The following DDAH1 variants were observed in gnomAD, a reference collection of about 807,000 sequenced individuals.
DDAH1 encodes N(G),N(G)-dimethylarginine dimethylaminohydrolase 1.
A neutral mutation model predicts 28.8 loss-of-function variants in DDAH1; 19 were observed. The observed-to-expected ratio is 0.66, with a 90% CI of 0.46 to 0.97. DDAH1 has a LOEUF of 0.97. DDAH1 is among the 50% of genes least tolerant of loss of function. The probability of loss-of-function intolerance (pLI) is 0.00; values close to 1 mark genes in which losing one functional copy is unlikely to be tolerated. For synonymous variants in DDAH1, 153 were observed against 154.4 expected, an observed-to-expected ratio of 0.99 and a Z score of 0.07; for missense variants, 326 against 375.9, an observed-to-expected ratio of 0.87 and a Z score of 1.10.
At chr1:85,369,471 A>C (rs768817467) in intron 1 of DDAH1, among the ~76,000 whole-genome samples, 9 of 152,178 alleles carry the variant, frequency 5.9e-5, no homozygotes, top group Admixed American at 2.6e-4. Flanking sequence ...TCTTTTAAAC[A>C]ACTCTTACGA....
chr1:85,473,681 C>G (rs762155531), intron 2 of DDAH1, among the ~76,000 whole-genome samples: 14 of 152,144 alleles, frequency 9.2e-5, no homozygotes, highest in Non-Finnish European at 1.9e-4. Flanking sequence ...CCAAAGAATC[C>G]TTTGCTTCAG....
intron 1 of DDAH1, among the ~76,000 whole-genome samples, chr1:85,523,488 T>C (rs1255918208): frequency 5.9e-5 from 9 of 152,172 alleles, no homozygotes; most frequent in African/African-American, 1.9e-4. Flanking sequence ...TATTTTAGCA[T>C]TTTGTATGAA....
chr1:85,333,350 C>T (rs948675239), intron 4 of DDAH1, among the ~76,000 whole-genome samples: 4 of 152,082 alleles, frequency 2.6e-5, no homozygotes, highest in Admixed American at 6.5e-5. Flanking sequence ...GAAAACCAAT[C>T]TAAAAAATTG....
chr1:85,475,646 C>G (rs1427527494), intron 2 of DDAH1, among the ~76,000 whole-genome samples: 1 of 152,048 alleles, frequency 6.6e-6, no homozygotes, highest in Admixed American at 6.6e-5. Context: ...AGATTATTTC[C>G]CCACACTTTC....
intron 1 of DDAH1, among the ~76,000 whole-genome samples, chr1:85,460,014 C>G (rs1024354926): frequency 2.0e-5 from 3 of 152,128 alleles, no homozygotes; most frequent in African/African-American, 7.2e-5. Context: ...TTCATAAAAA[C>G]CTCATTTCTG....
At chr1:85,333,910 A>C (rs1190498350) in intron 4 of DDAH1, among the ~76,000 whole-genome samples, 1 of 152,236 alleles carries the variant, frequency 6.6e-6, no homozygotes, top group Non-Finnish European at 1.5e-5. Flanking sequence ...GTCTAGCAAG[A>C]GATTTAGAAA....
At chr1:85,526,403 C>T (rs575620487) in intron 1 of DDAH1, among the ~76,000 whole-genome samples, 1 of 152,296 alleles carries the variant, frequency 6.6e-6, no homozygotes, top group African/African-American at 2.4e-5. Flanking sequence ...GAATATAGAG[C>T]ACCTCTAATT....
chr1:85,476,015 G>A (rs1655790859), intron 2 of DDAH1, among the ~76,000 whole-genome samples: 1 of 151,960 alleles, frequency 6.6e-6, no homozygotes, highest in African/African-American at 2.4e-5. Context: ...CCACACCCGG[G>A]TAATTTTTGG....
chr1:85,561,472 T>C (rs538671827), intron 1 of DDAH1, among the ~76,000 whole-genome samples: 1 of 152,154 alleles, frequency 6.6e-6, no homozygotes, highest in African/African-American at 2.4e-5. Context: ...TTCTACCCTA[T>C]CACTAACTAG....
Position 85,465,041 on chromosome 1 carries a change from G to T in DDAH1, c.5C>A (p.Ala2Asp). The T allele has an allele frequency of 7.6e-7, 1 of 1,310,574 alleles. No individual in the cohort carries two copies. Among genetic ancestry groups the T allele is most frequent in the Non-Finnish European group, 9.7e-7 (1 of 1,032,908 alleles). The allele number at this position is 1,310,574 out of a possible 1,614,324, so 81.2% of individuals were successfully genotyped here. M[A>D]GLGHPAAFGR... is the part of the protein sequence containing the mutation. The stretch of plus-strand genomic sequence containing the variant: ...GAAGGCGGCGGGGTGGCCGAGCCCG[G>T]CCATGGCTTCGGGAGGCTTAGGGGC... Residue 2 changes from alanine (A) to aspartate (D), a missense_variant, in exon 1 of 6, where the codon GCC becomes GAC. Physicochemically the swap from Ala to Asp is moderately radical, Grantham distance 126. Transcript: ENST00000284031.
intron 1 of DDAH1, among the ~76,000 whole-genome samples, chr1:85,546,225 GC>G (rs1658622134): frequency 6.6e-6 from 1 of 151,960 alleles, no homozygotes; most frequent in African/African-American, 2.4e-5. Context: ...TGGCAACTCT[GC>G]CCTCATGAAT....
rs1333733121 is a variant in DDAH1 at position 85,319,210 on chromosome 1, G to A, written c.*2242C>T. 1 of 152,142 alleles carries A rather than the reference G, an allele frequency of 6.6e-6. No homozygotes were observed. Among genetic ancestry groups the A allele is most frequent in the Admixed American group, 6.5e-5 (1 of 15,276 alleles). 9.4% of individuals were successfully genotyped at this position (152,142 alleles called of 1,614,324 possible). A position where few individuals can be genotyped will look rare whatever the true frequency, so the allele number is the denominator to read the frequency against. On this transcript the variant is annotated 3_prime_UTR_variant, in exon 6 of 6. Coordinates refer to ENST00000284031, the MANE Select transcript of DDAH1 (RefSeq NM_012137.4). ...TCATATAGGGAGTCCAAAGAAGCCA[G>A]CCTAGCAGGTAACATAGCAGAGCAG...
rs1247883635 is a variant in DDAH1, at chr1:85,465,060, T to C, written c.-15A>G. ...AGCCCGGCCATGGCTTCGGGAGGCT[T>C]AGGGGCGGCGGCGGCGGCGGAGGCG... On this transcript the variant is annotated 5_prime_UTR_variant, in exon 1 of 6. Transcript: ENST00000284031. 5.7e-6 allele frequency: 7 copies of C among 1,235,712 alleles called. No homozygotes were observed. The highest frequency in any genetic ancestry group is 7.1e-6 in the Non-Finnish European group (7 of 991,804). 76.5% of individuals were successfully genotyped at this position (1,235,712 alleles called of 1,614,324 possible). A position where few individuals can be genotyped will look rare whatever the true frequency, so the allele number is the denominator to read the frequency against.
chr1:85,442,254 C>A (rs1654232111), intron 1 of DDAH1, among the ~76,000 whole-genome samples: 1 of 152,172 alleles, frequency 6.6e-6, no homozygotes, highest in Non-Finnish European at 1.5e-5. Context: ...GTTCAATTCC[C>A]ACCTATGAGT....
At chr1:85,472,279 G>A (rs1416312257) in intron 2 of DDAH1, among the ~76,000 whole-genome samples, 1 of 152,156 alleles carries the variant, frequency 6.6e-6, no homozygotes, top group Non-Finnish European at 1.5e-5. Context: ...ACCTGGCTGG[G>A]CTTCCTTGCT....
intron 1 of DDAH1, among the ~76,000 whole-genome samples, chr1:85,438,765 A>C (rs1397838729): frequency 6.6e-6 from 1 of 152,256 alleles, no homozygotes; most frequent in Non-Finnish European, 1.5e-5. Context: ...ATGATCCTGG[A>C]GGAAGATCTA....
chr1:85,553,922 G>A (rs759579686), intron 1 of DDAH1, among the ~76,000 whole-genome samples: 1 of 152,200 alleles, frequency 6.6e-6, no homozygotes. Context: ...GGGGATTCTG[G>A]CTGGGAGTTG....
chr1:85,360,851 C>T (rs896707479), intron 1 of DDAH1, among the ~76,000 whole-genome samples: 1 of 152,040 alleles, frequency 6.6e-6, no homozygotes, highest in Non-Finnish European at 1.5e-5. Context: ...CTTTTCTTTT[C>T]TTTTCAAGTT....
chr1:85,367,703 G>T (rs1469140307), intron 1 of DDAH1, among the ~76,000 whole-genome samples: 1 of 152,138 alleles, frequency 6.6e-6, no homozygotes, highest in Non-Finnish European at 1.5e-5. Context: ...CTGTTGAGAG[G>T]TTCCTGGAGC....
Sources: allele counts gnomAD v4.1 joint callset (sites outside exome capture counted in the v4.1 genomes callset), GRCh38; gene constraint gnomAD v4.1.1; transcripts MANE v1.5; gene names NCBI Gene and HGNC (gene_info 2026-07-23, HGNC 2026-07-21).